The following MYL4 variants were observed in gnomAD, a reference collection of about 807,000 sequenced individuals.
MYL4 encodes the protein atrial myosin light chain 1.
A neutral mutation model predicts 21.6 loss-of-function variants in MYL4; 16 were observed. That is an observed-to-expected ratio of 0.74 (90% CI 0.50 to 1.12). The LOEUF is 1.12. Among genes scored for constraint, MYL4 ranks in the 50% most tolerant of loss-of-function variants. MYL4 has a pLI of 0.00. For synonymous variants in MYL4, 82 were observed against 95.7 expected, an observed-to-expected ratio of 0.86 and a Z score of 0.83; for missense variants, 249 against 252.9, an observed-to-expected ratio of 0.98 and a Z score of 0.11.
chr17:47,223,192 C>A, intron 6 of MYL4, 135 bp downstream of exon 6: 1 of 823,588 alleles, frequency 1.2e-6, no homozygotes, highest in Non-Finnish European at 1.9e-6. Flanking sequence ...GAAGTGAGGA[C>A]AGCCCTGCTC....
the MYL4 span, among the ~76,000 whole-genome samples, chr17:47,193,548 A>G: frequency 0.017 from 2,636 of 151,902 alleles, 30 homozygotes; most frequent in South Asian, 0.027. Context: ...GATTACAGGC[A>G]TGAGCCACTG....
intron 1 of MYL4, among the ~76,000 whole-genome samples, chr17:47,202,788 A>G (rs2064714381): frequency 1.3e-5 from 2 of 152,228 alleles, no homozygotes; most frequent in Admixed American, 1.3e-4. Context: ...TTTGTAGCCA[A>G]TTTACATAAT....
At chr17:47,199,674 C>CA (rs34989806), upstream of MYL4, among the ~76,000 whole-genome samples, 83 of 127,412 alleles carry the variant, frequency 6.5e-4, no homozygotes, top group Non-Finnish European at 9.0e-4. Flanking sequence ...GACCCTGTCT[C>CA]AAAAAAAAAA....
At chr17:47,204,534 A>G (rs1038685949), upstream of MYL4, among the ~76,000 whole-genome samples, 1 of 152,156 alleles carries the variant, frequency 6.6e-6, no homozygotes, top group Admixed American at 6.6e-5. Flanking sequence ...TGTAGTTATA[A>G]CAGCCACATT....
At chr17:47,205,546 G>C (rs879611697), upstream of MYL4, among the ~76,000 whole-genome samples, 49 of 152,174 alleles carry the variant, frequency 3.2e-4, 1 homozygote, top group Non-Finnish European at 5.6e-4. Context: ...AAGGCCAGGG[G>C]TTGATATGTT....
Position 47,213,737 on chromosome 17 carries a change from TG to T in MYL4, c.136-56del, listed in dbSNP as rs11327482. On this transcript the variant is annotated intron_variant, in intron 1 of 6. Coordinates refer to ENST00000393450, the MANE Select transcript of MYL4 (RefSeq NM_002476.2). ...AGCCACTTCTGCTTCTACTTCCCTT[TG>T]GGGGGCCTTTACAACTGCTTTTAGC... 0.64 allele frequency: 989,779 copies of T among 1,558,094 alleles called. 318,205 individuals carry two copies. The highest frequency in any genetic ancestry group is 0.82 in the East Asian group (36,748 of 44,566).
chr17:47,221,563 T>A lies in MYL4; in HGVS notation c.314-119T>A, dbSNP rs142068365. 3.4e-3 allele frequency: 3,863 copies of A among 1,151,002 alleles called. 95 individuals are homozygous for A. In the African/African-American group the frequency reaches 0.053, roughly 16 times the overall value. The allele number at this position is 1,151,002 out of a possible 1,614,324, so 71.3% of individuals were successfully genotyped here. Reference sequence around the variant, plus strand: ...GCACTAATGGGTGTACCACCCAGAATTGGCTGCAGCCCAAGCCCTGGGTGC... The same window carrying A: ...GCACTAATGGGTGTACCACCCAGAAATGGCTGCAGCCCAAGCCCTGGGTGC... On this transcript the variant is annotated intron_variant, in intron 3 of 6. Coordinates refer to ENST00000393450, the MANE Select transcript of MYL4 (RefSeq NM_002476.2).
downstream of MYL4, among the ~76,000 whole-genome samples, chr17:47,224,311 T>C (rs2064877265): frequency 6.6e-6 from 1 of 152,158 alleles, no homozygotes; most frequent in South Asian, 2.1e-4. Flanking sequence ...AGAGAGCTTG[T>C]GCAGGGAAAT....
chr17:47,222,493 G>A, intron 5 of MYL4, 36 bp downstream of exon 5: 1 of 1,604,884 alleles, frequency 6.2e-7, no homozygotes, highest in Non-Finnish European at 8.5e-7. Context: ...GGGCAGCCAG[G>A]GATGGTAGGA....
At chr17:47,194,046 C>T in the MYL4 span, among the ~76,000 whole-genome samples, 144 of 152,268 alleles carry the variant, frequency 9.5e-4, no homozygotes, top group African/African-American at 3.1e-3. Flanking sequence ...CACCATACCC[C>T]GCCCCTATCC....
chr17:47,211,714 G>C (rs1219547244), intron 1 of MYL4, among the ~76,000 whole-genome samples: 2 of 151,968 alleles, frequency 1.3e-5, no homozygotes, highest in East Asian at 1.9e-4. Context: ...CCCAGCTCAT[G>C]GCTGCCATAT....
intron 1 of MYL4, among the ~76,000 whole-genome samples, chr17:47,211,812 C>T (rs553998256): frequency 4.1e-5 from 6 of 145,056 alleles, no homozygotes; most frequent in East Asian, 4.6e-4. Context: ...CTAGGAATGA[C>T]GGCACTTGAA....
intron 3 of MYL4, among the ~76,000 whole-genome samples, chr17:47,220,714 C>T (rs1002477215): frequency 1.3e-5 from 2 of 151,972 alleles, no homozygotes; most frequent in African/African-American, 2.4e-5. Context: ...TCAATCATTA[C>T]GGCAGATGAG....
At chr17:47,202,110 C>T (rs1019978868) in intron 1 of MYL4, among the ~76,000 whole-genome samples, 3 of 152,132 alleles carry the variant, frequency 2.0e-5, no homozygotes, top group Non-Finnish European at 4.4e-5. Context: ...CTCAGCCTCC[C>T]GAGTAGCTGG....
intron 3 of MYL4, among the ~76,000 whole-genome samples, chr17:47,220,344 A>C (rs1439676707): frequency 6.6e-6 from 1 of 152,158 alleles, no homozygotes. Flanking sequence ...AGGAAGGCTG[A>C]GTGGGAATCT....
At chr17:47,220,421 G>A (rs566146881) in intron 3 of MYL4, among the ~76,000 whole-genome samples, 108 of 152,220 alleles carry the variant, frequency 7.1e-4, no homozygotes, top group Non-Finnish European at 1.0e-3. Flanking sequence ...ATCTGTCACA[G>A]CACCGAGGTA....
upstream of MYL4, chr17:47,209,185 G>T: frequency 1.6e-6 from 1 of 638,010 alleles, no homozygotes; most frequent in Non-Finnish European, 2.8e-6. Flanking sequence ...ATGAAGGGGA[G>T]GGGGCTGGTG....
At chr17:47,197,480 C>A (rs1219601452), upstream of MYL4, among the ~76,000 whole-genome samples, 1 of 152,024 alleles carries the variant, frequency 6.6e-6, no homozygotes, top group Non-Finnish European at 1.5e-5. Context: ...AGATGAGCTC[C>A]GAGATGTGCT....
intron 1 of MYL4, among the ~76,000 whole-genome samples, chr17:47,213,315 C>T (rs1381076009): frequency 6.6e-6 from 1 of 152,096 alleles, no homozygotes; most frequent in East Asian, 1.9e-4. Flanking sequence ...AGTTGTCCCT[C>T]GTTATCTGTA....
Sources: allele counts gnomAD v4.1 joint callset (sites outside exome capture counted in the v4.1 genomes callset), GRCh38; gene constraint gnomAD v4.1.1; transcripts MANE v1.5; gene names NCBI Gene and HGNC (gene_info 2026-07-23, HGNC 2026-07-21).